The following PPP6R3 variants were observed in gnomAD, a reference collection of about 807,000 sequenced individuals.
PPP6R3 encodes protein phosphatase 6 regulatory subunit 3, also known as serine/threonine-protein phosphatase 6 regulatory subunit 3.
In PPP6R3, 38 loss-of-function variants were observed where a neutral mutation model predicts 110.7. That is an observed-to-expected ratio of 0.34 (90% confidence interval 0.26 to 0.45). The LOEUF is 0.45. Among genes scored for constraint, PPP6R3 ranks in the 20% least tolerant of loss-of-function variants. The pLI, the probability that PPP6R3 is intolerant of heterozygous loss-of-function variation, is 1.00. For missense variants in PPP6R3, 870 were observed against 1,062.4 expected, an observed-to-expected ratio of 0.82 and a Z score of 2.52; for synonymous variants, 369 against 373.5, an observed-to-expected ratio of 0.99 and a Z score of 0.14.
At chr11:68,463,345 C>G (rs1017392444) in intron 1 of PPP6R3, among the ~76,000 whole-genome samples, 1 of 89,300 alleles carries the variant, frequency 1.1e-5, no homozygotes, top group African/African-American at 4.2e-5. Flanking sequence ...CAGAGCGAGA[C>G]TCAGTCTCAG....
At chr11:68,499,165 T>C (rs992058153) in intron 1 of PPP6R3, among the ~76,000 whole-genome samples, 2 of 152,186 alleles carry the variant, frequency 1.3e-5, no homozygotes, top group Non-Finnish European at 2.9e-5. Flanking sequence ...CATAATAAAT[T>C]ATCCCCAAAC....
chr11:68,499,611 C>A (rs1386149049), intron 1 of PPP6R3, among the ~76,000 whole-genome samples: 1 of 152,080 alleles, frequency 6.6e-6, no homozygotes, highest in Non-Finnish European at 1.5e-5. Flanking sequence ...TTCTGTCACC[C>A]AGGCTGGAGT....
chr11:68,575,833 G>T, intron 13 of PPP6R3, 125 bp from the exon 14 acceptor site: 1 of 627,600 alleles, frequency 1.6e-6, no homozygotes. Context: ...TTTCTCAGCT[G>T]ATAGGGCCTG....
At chr11:68,470,769 T>C (rs1010370500) in intron 1 of PPP6R3, among the ~76,000 whole-genome samples, 3 of 151,778 alleles carry the variant, frequency 2.0e-5, no homozygotes, top group African/African-American at 7.3e-5. Flanking sequence ...TTGGAGTGGG[T>C]GTGAGAGAGG....
chr11:68,567,498 A>G (rs1002282892), intron 10 of PPP6R3, among the ~76,000 whole-genome samples: 2 of 152,172 alleles, frequency 1.3e-5, no homozygotes, highest in African/African-American at 4.8e-5. Flanking sequence ...TGAGGGGACA[A>G]ACCTTTATCT....
At chr11:68,599,267 C>G (rs575086663) in intron 19 of PPP6R3, among the ~76,000 whole-genome samples, 1 of 152,352 alleles carries the variant, frequency 6.6e-6, no homozygotes, top group African/African-American at 2.4e-5. Flanking sequence ...GAGGATTCAG[C>G]ACTCTGTGAA....
chr11:68,465,534 A>G (rs1242019019), intron 1 of PPP6R3, among the ~76,000 whole-genome samples: 16 of 152,232 alleles, frequency 1.1e-4, no homozygotes, highest in Admixed American at 9.8e-4. Context: ...TCATGGAGGC[A>G]TTTTCTTATT....
intron 1 of PPP6R3, among the ~76,000 whole-genome samples, chr11:68,489,533 C>G (rs1214340725): frequency 7.2e-6 from 1 of 138,546 alleles, no homozygotes; most frequent in East Asian, 2.0e-4. Flanking sequence ...CTTTCTTTCA[C>G]TTTGCAGATA....
At chr11:68,531,080 C>G (rs1404848581) in intron 2 of PPP6R3, among the ~76,000 whole-genome samples, 1 of 152,122 alleles carries the variant, frequency 6.6e-6, no homozygotes, top group East Asian at 1.9e-4. Flanking sequence ...TCTGAAATAA[C>G]ACAGTACTGT....
intron 1 of PPP6R3, among the ~76,000 whole-genome samples, chr11:68,511,490 G>A (rs1377556279): frequency 6.9e-6 from 1 of 144,884 alleles, no homozygotes; most frequent in Non-Finnish European, 1.5e-5. Flanking sequence ...GTGTGTGTGT[G>A]TGTGTTTTGA....
At chr11:68,601,010 G>A (rs1029731821) in intron 20 of PPP6R3, among the ~76,000 whole-genome samples, 1 of 152,186 alleles carries the variant, frequency 6.6e-6, no homozygotes, top group Non-Finnish European at 1.5e-5. Flanking sequence ...AAGATAGGAA[G>A]ACAAGCTGTT....
At chr11:68,604,905 A>G (rs747928557) in intron 22 of PPP6R3, among the ~76,000 whole-genome samples, 1 of 152,186 alleles carries the variant, frequency 6.6e-6, no homozygotes, top group African/African-American at 2.4e-5. Context: ...AAATTAATGA[A>G]ATTTCCATCA....
intron 1 of PPP6R3, among the ~76,000 whole-genome samples, chr11:68,484,886 C>A (rs1193347504): frequency 1.3e-5 from 2 of 152,124 alleles, no homozygotes; most frequent in African/African-American, 4.8e-5. Flanking sequence ...AGCGCCCAGC[C>A]TTCTTTATAT....
At chr11:68,526,113 G>C (rs1034792015) in intron 2 of PPP6R3, among the ~76,000 whole-genome samples, 1 of 152,088 alleles carries the variant, frequency 6.6e-6, no homozygotes, top group African/African-American at 2.4e-5. Context: ...CCAGTTACCT[G>C]TTGCTTCCTT....
In PPP6R3 at chr11:68,569,658, A is replaced by G. The variant is rs996418947; in HGVS notation, c.1129-90A>G. On this transcript the variant is annotated intron_variant, in intron 10 of 23. Transcript: ENST00000393800. The stretch of plus-strand genomic sequence containing the variant: ...TTTGGACTGAGAGCACATCATTTTT[A>G]CTTTATTAAATCACTGTTCTGTAAA... 8.5e-6 allele frequency: 10 copies of G among 1,177,302 alleles called. No individual in the cohort carries two copies. The African/African-American group carries it at 1.6e-4, about 18-fold the overall frequency. The allele number at this position is 1,177,302 out of a possible 1,614,324, so 72.9% of individuals were successfully genotyped here.
At position 68,558,593 on chromosome 11, in the gene PPP6R3, A is replaced by C; in HGVS notation, c.759A>C (p.Ser253=). ...AAGAAATTATAGAGCAGCTTCTATC[A>C]AATATTTTCCACAAGGAGAAAAATG... is the stretch of plus-strand genomic sequence containing the variant. The part of the protein sequence containing the change: ...EKQEIIEQLL[S]NIFHKEKNES... Residue 253 remains serine, a synonymous_variant, in exon 8 of 24, where the codon TCA becomes TCC. Transcript: ENST00000393800. 6.2e-7 allele frequency: 1 copy of C among 1,613,300 alleles called. No individual in the cohort carries two copies. The highest frequency in any genetic ancestry group is 8.5e-7 in the Non-Finnish European group (1 of 1,179,534).
chr11:68,499,833 A>G (rs886127286), intron 1 of PPP6R3, among the ~76,000 whole-genome samples: 9 of 152,158 alleles, frequency 5.9e-5, no homozygotes, highest in Non-Finnish European at 4.4e-5. Flanking sequence ...TCGGCCCTCC[A>G]AAGTGCTAGG....
chr11:68,600,252 C>G, intron 19 of PPP6R3, 89 bp from the exon 20 acceptor site: 2 of 1,431,236 alleles, frequency 1.4e-6, no homozygotes, highest in Non-Finnish European at 2.0e-6. Context: ...CAGCTCCAGT[C>G]TCTTTTGCTA....
rs544026541 is a variant in PPP6R3 at position 68,613,776 on chromosome 11, T to C, written c.*659T>C. ...AAGTAAAGTATTTATTGCTACATCA[T>C]AGTTGATAAATTGATGTTATCGTAA... On this transcript the variant is annotated 3_prime_UTR_variant, in exon 24 of 24. Coordinates refer to ENST00000393800, the MANE Select transcript of PPP6R3 (RefSeq NM_001164161.2). 7 of 980,046 alleles carry C rather than the reference T, an allele frequency of 7.1e-6. No individual in the cohort carries two copies. The South Asian group carries it at 2.8e-4, about 40-fold the overall frequency. The allele number at this position is 980,046 out of a possible 1,614,324, so 60.7% of individuals were successfully genotyped here.
Sources: gnomAD v4.1 joint callset for allele counts (sites outside exome capture counted in the v4.1 genomes callset) on GRCh38, gnomAD v4.1.1 for gene constraint, MANE v1.5 for transcripts, NCBI Gene and HGNC (gene_info 2026-07-23, HGNC 2026-07-21) for gene names.